The following ACSL1 variants were observed in gnomAD, a reference collection of about 807,000 sequenced individuals.
ACSL1 encodes long-chain-fatty-acid--CoA ligase 1.
In ACSL1, 41 loss-of-function variants were observed where a neutral mutation model predicts 98.4. The observed-to-expected ratio is 0.42, with a 90% CI of 0.32 to 0.54. The LOEUF (loss-of-function observed/expected upper bound fraction) is 0.54, where lower values mean the gene tolerates loss of function less well. Among genes scored for constraint, ACSL1 ranks in the 20% least tolerant of loss-of-function variants. The pLI is 0.13. For synonymous variants in ACSL1, 316 were observed against 322.7 expected, an observed-to-expected ratio of 0.98 and a Z score of 0.22; for missense variants, 734 against 883.1, an observed-to-expected ratio of 0.83 and a Z score of 2.14.
At chr4:184,795,086 G>C (rs959241897) in intron 2 of ACSL1, among the ~76,000 whole-genome samples, 1 of 152,030 alleles carries the variant, frequency 6.6e-6, no homozygotes, top group African/African-American at 2.4e-5. Flanking sequence ...AATACACATT[G>C]TTCCAGAAAA....
chr4:184,776,406 A>G lies in ACSL1; in HGVS notation c.756+78T>C, dbSNP rs527359317. The G allele has an allele frequency of 1.9e-4, 284 of 1,493,800 alleles. 2 individuals are homozygous for G. In the South Asian group the frequency reaches 3.0e-3, roughly 16 times the overall value. 92.5% of individuals were successfully genotyped at this position (1,493,800 alleles called of 1,614,324 possible). On this transcript the variant is annotated intron_variant, in intron 7 of 20. Transcript: ENST00000281455. ...CGCTGGGACTGCACCATAGCACTAG[A>G]TAGCACTGGATAGCACGTGTGAGCC...
At chr4:184,775,174 A>G (rs993308595) in intron 7 of ACSL1, among the ~76,000 whole-genome samples, 7 of 152,174 alleles carry the variant, frequency 4.6e-5, no homozygotes, top group Admixed American at 3.9e-4. Context: ...TTTGAGATGG[A>G]GTCTCGCTCT....
rs1773420380 is a variant in ACSL1 at position 184,825,650 on chromosome 4, C to A, written c.-33+266G>T. Among the ~76,000 whole-genome samples, 2 of 150,198 alleles carry A rather than the reference C, an allele frequency of 1.3e-5. No individual in the cohort carries two copies. Among genetic ancestry groups the A allele is most frequent in the Admixed American group, 1.3e-4 (2 of 15,116 alleles). Reference sequence around the variant, plus strand: ...GCGCGCATCCCCGGCCGCGCACCAGCCCCGCGCCCGCGCCGCCCGCGACTC... The same window carrying A: ...GCGCGCATCCCCGGCCGCGCACCAGACCCGCGCCCGCGCCGCCCGCGACTC... On this transcript the variant is annotated intron_variant, in intron 1 of 20. Coordinates refer to ENST00000281455, the MANE Select transcript of ACSL1 (RefSeq NM_001995.5). This position sits in a 1 kb window ranked among gnomAD's most constrained non-coding sequence, Gnocchi z 4.7.
Position 184,773,780 on chromosome 4 carries a change from G to C in ACSL1, c.789+63C>G. The C allele has an allele frequency of 6.2e-7, 1 of 1,612,626 alleles. No individual in the cohort carries two copies. Among genetic ancestry groups the C allele is most frequent in the East Asian group, 2.2e-5 (1 of 44,870 alleles). On this transcript the variant is annotated intron_variant, in intron 8 of 20. Transcript: ENST00000281455. This position sits in a 1 kb window ranked among gnomAD's most constrained non-coding sequence, Gnocchi z 4.3. ...AGAAAAGAGAACTATAAGCCACAAG[G>C]TACCAGGCTAGATATTGAAAACTAC... is the stretch of plus-strand genomic sequence containing the variant.
At chr4:184,801,713 G>C (rs965995112) in intron 2 of ACSL1, among the ~76,000 whole-genome samples, 5 of 152,138 alleles carry the variant, frequency 3.3e-5, no homozygotes, top group Non-Finnish European at 7.4e-5. Flanking sequence ...TCTATAAACA[G>C]AGAAAAATCA....
rs762572035 is a variant in ACSL1 at position 184,766,614 on chromosome 4, C to T, written c.1263+8G>A. 10 of 1,612,500 alleles carry T rather than the reference C, an allele frequency of 6.2e-6. No individual in the cohort carries two copies. The highest frequency in any genetic ancestry group is 1.7e-4 in the Middle Eastern group (1 of 6,004). On this transcript the variant is annotated splice_region_variant and intron_variant, in intron 13 of 20. Coordinates refer to ENST00000281455, the MANE Select transcript of ACSL1 (RefSeq NM_001995.5). This position sits in a 1 kb window ranked among gnomAD's most constrained non-coding sequence, Gnocchi z 4.8. ...CCATGGGAGCAGTGGCTGTGAGTCACGTGTTACCTGTACTTTGTGGAAGAT... is the reference window on the plus strand; with the variant it reads ...CCATGGGAGCAGTGGCTGTGAGTCATGTGTTACCTGTACTTTGTGGAAGAT...
chr4:184,794,567 A>G (rs944010233), intron 2 of ACSL1, among the ~76,000 whole-genome samples: 16 of 152,316 alleles, frequency 1.1e-4, no homozygotes, highest in African/African-American at 2.9e-4. Flanking sequence ...GTGAATGTGT[A>G]TGGAGCCTGC....
At chr4:184,778,727 T>C (rs1765716401) in intron 5 of ACSL1, among the ~76,000 whole-genome samples, 1 of 152,170 alleles carries the variant, frequency 6.6e-6, no homozygotes, top group Middle Eastern at 3.2e-3. Flanking sequence ...TCAGCAAACA[T>C]TTGTTGAATG....
intron 3 of ACSL1, among the ~76,000 whole-genome samples, chr4:184,784,870 G>A (rs1017873813): frequency 6.6e-6 from 1 of 152,180 alleles, no homozygotes; most frequent in African/African-American, 2.4e-5. Context: ...CAGTCCTGAT[G>A]AAAACAGGAA....
At chr4:184,792,931 GT>G (rs1768650014) in intron 2 of ACSL1, among the ~76,000 whole-genome samples, 1 of 152,118 alleles carries the variant, frequency 6.6e-6, no homozygotes, top group Admixed American at 6.5e-5. Flanking sequence ...ACTATATTAG[GT>G]AAGTCCACGT....
intron 2 of ACSL1, among the ~76,000 whole-genome samples, chr4:184,793,425 C>T (rs59169502): frequency 0.02 from 3,084 of 152,282 alleles, 97 homozygotes; most frequent in African/African-American, 0.054. Flanking sequence ...CAATATTTGA[C>T]TAACAGGAAC....
intron 2 of ACSL1, among the ~76,000 whole-genome samples, chr4:184,802,129 T>C (rs184640922): frequency 2.0e-5 from 3 of 152,344 alleles, no homozygotes; most frequent in Admixed American, 6.5e-5. Context: ...ACCTTCTAAA[T>C]AGAAATCAAG....
Position 184,762,143 on chromosome 4 carries a change from A to AAC in ACSL1, c.1638+263_1638+264insGT, listed in dbSNP as rs536453125. Among the ~76,000 whole-genome samples, 191 of 151,882 alleles carry AAC rather than the reference A, an allele frequency of 1.3e-3. 2 individuals are homozygous for AAC. The highest frequency in any genetic ancestry group is 4.4e-3 in the African/African-American group (181 of 41,436). On this transcript the variant is annotated intron_variant, in intron 17 of 20. Coordinates refer to ENST00000281455, the MANE Select transcript of ACSL1 (RefSeq NM_001995.5). ...CATGATTCCGTCTCAAAAAAAAAAA[A>AAC]CCCCAAAAACACAACAAAGAAACAA...
intron 5 of ACSL1, among the ~76,000 whole-genome samples, chr4:184,778,553 CT>C (rs1765684073): frequency 6.6e-6 from 1 of 152,162 alleles, no homozygotes; most frequent in Non-Finnish European, 1.5e-5. Context: ...GGGAGCCCTC[CT>C]TGACTGAGCT....
rs757329051 is a variant in ACSL1, at chr4:184,788,736, C to G, written c.196-5G>C. On this transcript the variant is annotated splice_polypyrimidine_tract_variant and splice_region_variant and intron_variant, in intron 2 of 20. Transcript: ENST00000281455. ...TCTTCGTGCACCACCACTACCCTAT[C>G]AAAAAAGAAAGGGGGGCAGGTTAGA... 1.2e-6 allele frequency: 2 copies of G among 1,611,796 alleles called. No individual in the cohort carries two copies. Among genetic ancestry groups the G allele is most frequent in the Admixed American group, 3.4e-5 (2 of 59,526 alleles).
intron 11 of ACSL1, among the ~76,000 whole-genome samples, chr4:184,768,842 G>A (rs1436821709): frequency 6.6e-6 from 1 of 152,142 alleles, no homozygotes; most frequent in African/African-American, 2.4e-5. Flanking sequence ...GGCCGAGGCA[G>A]GTGGATCACT....
chr4:184,765,499 T>C (rs1311186540), intron 14 of ACSL1, among the ~76,000 whole-genome samples: 1 of 147,790 alleles, frequency 6.8e-6, no homozygotes, highest in Non-Finnish European at 1.5e-5. Context: ...AAGTAGGGGG[T>C]GGGAAGGATA....
intron 4 of ACSL1, among the ~76,000 whole-genome samples, chr4:184,781,063 C>T (rs1039939247): frequency 3.3e-5 from 5 of 151,776 alleles, no homozygotes; most frequent in Admixed American, 6.6e-5. Flanking sequence ...GGTAAAACCC[C>T]GTCTCTACTG....
rs771337331 is a variant in ACSL1, at chr4:184,768,241, C to G, written c.1128+75G>C. On this transcript the variant is annotated intron_variant, in intron 12 of 20. Transcript: ENST00000281455. ...CCAGGGTCATACAGATGGCACATGG[C>G]ACAGCCCAATTCAAGCCCAAGCCCC... 5 of 1,490,936 alleles carry G rather than the reference C, an allele frequency of 3.4e-6. No homozygotes were observed. In the African/African-American group the frequency reaches 7.1e-5, roughly 21 times the overall value. The allele number at this position is 1,490,936 out of a possible 1,614,324, so 92.4% of individuals were successfully genotyped here.
Sources: gnomAD v4.1 joint callset for allele counts (sites outside exome capture counted in the v4.1 genomes callset) on GRCh38, gnomAD v4.1.1 for gene constraint, Gnocchi (gnomAD v3.1) non-coding constraint, MANE v1.5 for transcripts, NCBI Gene and HGNC (gene_info 2026-07-23, HGNC 2026-07-21) for gene names.